Variants in FGF14 observed in about 807,000 individuals in gnomAD.
FGF14 encodes fibroblast growth factor homologous factor 4.
FGF14 carries 5 observed loss-of-function variants against 25.5 expected under a neutral mutation model. The ratio of observed to expected loss-of-function variants is 0.20; its 90% CI spans 0.10 to 0.41. The LOEUF is 0.41. Ranked by LOEUF, FGF14 falls within the 10% of genes least tolerant of loss-of-function variation. The pLI, the probability that FGF14 is intolerant of heterozygous loss-of-function variation, is 1.00. For synonymous variants in FGF14, 138 were observed against 118.3 expected (o/e 1.17, Z -1.08); for missense variants, 222 against 320.1 (o/e 0.69, Z 2.34).
chr13:102,086,160 C>T (rs2043886596), intron 1 of FGF14, among the ~76,000 whole-genome samples: 1 of 152,228 alleles, frequency 6.6e-6, no homozygotes, highest in Non-Finnish European at 1.5e-5. Context: ...TCAAACCTAA[C>T]TTCCTGGTCT....
In FGF14 at chr13:101,722,921, G is replaced by T. The variant is rs1432818834; in HGVS notation, c.654C>A (p.Val218=). 6.2e-7 allele frequency: 1 copy of T among 1,613,278 alleles called. No homozygotes were observed. Among genetic ancestry groups the T allele is most frequent in the Middle Eastern group, 1.7e-4 (1 of 6,052 alleles). Residue 218 remains valine (V), a synonymous_variant, in exon 5 of 5, where the codon GTC becomes GTA. Coordinates refer to ENST00000376143, the MANE Select transcript of FGF14 (RefSeq NM_004115.4). ...EPSLHDVGET[V]PKPGVTPSKS... ...TACTTGGCGTCACCCCAGGCTTCGG[G>T]ACCGTTTCCCCAACATCATGCAAAG...
intron 1 of FGF14, among the ~76,000 whole-genome samples, chr13:102,303,423 G>T (rs1463914899): frequency 6.6e-6 from 1 of 152,004 alleles, no homozygotes. Context: ...ATTTTTTTCA[G>T]TTCTGTTTCA....
At chr13:101,824,546 T>C (rs905307032) in intron 3 of FGF14, among the ~76,000 whole-genome samples, 1 of 152,200 alleles carries the variant, frequency 6.6e-6, no homozygotes, top group Admixed American at 6.5e-5. Flanking sequence ...GTATTAAAAC[T>C]AAAATGAAGA....
At chr13:102,131,848 C>T (rs536720351) in intron 1 of FGF14, among the ~76,000 whole-genome samples, 3 of 152,088 alleles carry the variant, frequency 2.0e-5, no homozygotes, top group Admixed American at 6.6e-5. Flanking sequence ...CAAATTACAA[C>T]AGTAAGAAAT....
chr13:102,176,366 A>G (rs767993843), intron 1 of FGF14, among the ~76,000 whole-genome samples: 1 of 152,104 alleles, frequency 6.6e-6, no homozygotes, highest in Non-Finnish European at 1.5e-5. Flanking sequence ...GAGCTAAACA[A>G]TGGGTACACA....
intron 1 of FGF14, among the ~76,000 whole-genome samples, chr13:102,038,682 CTG>C (rs1452773124): frequency 6.6e-6 from 1 of 152,106 alleles, no homozygotes; most frequent in African/African-American, 2.4e-5. Context: ...CTACCCCCCA[CTG>C]TGAGACAGTC....
chr13:101,905,898 T>C (rs1480862131), intron 1 of FGF14, among the ~76,000 whole-genome samples: 1 of 152,108 alleles, frequency 6.6e-6, no homozygotes, highest in Non-Finnish European at 1.5e-5. Context: ...CACTATGAGT[T>C]CCTGGAAAAA....
intron 3 of FGF14, among the ~76,000 whole-genome samples, chr13:101,781,043 C>T (rs1442171061): frequency 6.6e-6 from 1 of 152,074 alleles, no homozygotes; most frequent in Non-Finnish European, 1.5e-5. Context: ...CTCATGGCCA[C>T]CTCACGGTTC....
chr13:102,190,981 A>T (rs965876753), intron 1 of FGF14, among the ~76,000 whole-genome samples: 3 of 151,940 alleles, frequency 2.0e-5, no homozygotes, highest in Admixed American at 2.0e-4. Flanking sequence ...GCATAGCCAT[A>T]AAAAAAACAG....
chr13:101,883,122 T>G (rs887224565), intron 1 of FGF14, among the ~76,000 whole-genome samples: 1 of 152,164 alleles, frequency 6.6e-6, no homozygotes, highest in African/African-American at 2.4e-5. Flanking sequence ...GAAATCAGTG[T>G]GAAAATTTCA....
rs531995160 is a variant in FGF14, at chr13:102,378,345, A to G, written c.208+23126T>C. Among the ~76,000 whole-genome samples, 3 of 152,336 alleles carry G rather than the reference A, an allele frequency of 2.0e-5. No homozygotes were observed. The East Asian group carries it at 5.8e-4, about 29-fold the overall frequency. On this transcript the variant is annotated intron_variant, in intron 1 of 4. Transcript: ENST00000376131. ...TATGTCTTCCTTTCAGTTTCACTGT[A>G]AACCAAAAACTGCTCCAAAAATATA... is the stretch of plus-strand genomic sequence containing the variant.
At chr13:102,259,221 C>T (rs1742144987) in intron 1 of FGF14, among the ~76,000 whole-genome samples, 1 of 152,188 alleles carries the variant, frequency 6.6e-6, no homozygotes, top group African/African-American at 2.4e-5. Flanking sequence ...CTCAGCTCAT[C>T]CCTCCAGGTC....
At chr13:102,073,416 G>T (rs2043229801) in intron 1 of FGF14, among the ~76,000 whole-genome samples, 1 of 152,146 alleles carries the variant, frequency 6.6e-6, no homozygotes, top group Non-Finnish European at 1.5e-5. Flanking sequence ...GTGGAATTTA[G>T]GAGCACCTTT....
At chr13:102,111,721 G>GAA (rs76260816) in intron 1 of FGF14, among the ~76,000 whole-genome samples, 7 of 81,210 alleles carry the variant, frequency 8.6e-5, no homozygotes, top group African/African-American at 1.5e-4. Context: ...GTCTAAAAAA[G>GAA]AAAAAAAAAA....
chr13:101,824,096 CTTAAAA>C (rs1388554375), intron 3 of FGF14, among the ~76,000 whole-genome samples: 14 of 152,152 alleles, frequency 9.2e-5, no homozygotes, highest in African/African-American at 3.4e-4. Flanking sequence ...GTCCAAAGTA[CTTAAAA>C]TTAAATTGTG....
chr13:102,160,479 C>T (rs1019105419), intron 1 of FGF14, among the ~76,000 whole-genome samples: 4 of 152,146 alleles, frequency 2.6e-5, no homozygotes, highest in African/African-American at 7.2e-5. Context: ...CGGCTCTCTG[C>T]CCCGACCCTT....
rs188297746 is a variant in FGF14, at chr13:102,375,740, C to A, written c.208+25731G>T. Among the ~76,000 whole-genome samples the A allele has an allele frequency of 4.9e-3, 752 of 152,168 alleles. 12 individuals carry two copies. The highest frequency in any genetic ancestry group is 6.8e-3 in the Middle Eastern group (2 of 294). The stretch of plus-strand genomic sequence containing the variant: ...ATTCTAGTCTCAAGAGAACCCAAAC[C>A]CAAATCAGCAATTAAAGTATCAATA... On this transcript the variant is annotated intron_variant, in intron 1 of 4. Coordinates refer to the FGF14 transcript ENST00000376131.
At chr13:101,891,336 A>T (rs1001241473) in intron 1 of FGF14, among the ~76,000 whole-genome samples, 1 of 152,072 alleles carries the variant, frequency 6.6e-6, no homozygotes, top group African/African-American at 2.4e-5. Context: ...CCCTCTGGAG[A>T]TGGGCCCTTT....
At chr13:102,018,079 C>A (rs2040439398) in intron 1 of FGF14, among the ~76,000 whole-genome samples, 1 of 152,106 alleles carries the variant, frequency 6.6e-6, no homozygotes, top group Non-Finnish European at 1.5e-5. Flanking sequence ...AGTTCTGTGT[C>A]TCTCTTCTTC....
Sources: gnomAD v4.1 joint callset for allele counts (sites outside exome capture counted in the v4.1 genomes callset) on GRCh38, gnomAD v4.1.1 for gene constraint, MANE v1.5 for transcripts, NCBI Gene and HGNC (gene_info 2026-07-23, HGNC 2026-07-21) for gene names.